Variants in SCFD1 observed in about 807,000 individuals in gnomAD.
SCFD1 encodes sec1 family domain containing 1, also known as sec1 family domain-containing protein 1.
A neutral mutation model predicts 103.2 loss-of-function variants in SCFD1; 37 were observed. That is an observed-to-expected ratio of 0.36 (90% CI 0.28 to 0.47). SCFD1 has a LOEUF of 0.47. SCFD1 is among the 20% of genes least tolerant of loss of function. The probability of loss-of-function intolerance (pLI) is 1.00; values close to 1 mark genes in which losing one functional copy is unlikely to be tolerated. For missense variants in SCFD1, 639 were observed against 761.2 expected, an observed-to-expected ratio of 0.84 and a Z score of 1.89; for synonymous variants, 264 against 245.0, an observed-to-expected ratio of 1.08 and a Z score of -0.73.
intron 7 of SCFD1, 69 bp from the exon 8 acceptor site, chr14:30,649,458 CT>C: frequency 1.1e-6 from 1 of 901,822 alleles, no homozygotes; most frequent in East Asian, 2.7e-5. Context: ...ATTTTTGATG[CT>C]GATGTATTTT....
intron 20 of SCFD1, among the ~76,000 whole-genome samples, chr14:30,717,359 CCCAGCTATTCAGGAGG>C (rs1892349377): frequency 1.3e-5 from 2 of 152,012 alleles, no homozygotes; most frequent in African/African-American, 4.8e-5. Context: ...CACCTGTAGT[CCCAGCTATTCAGGAGG>C]CTGAGGTGGG....
intron 23 of SCFD1, among the ~76,000 whole-genome samples, chr14:30,728,265 T>C (rs1428131806): frequency 2.6e-5 from 4 of 152,328 alleles, no homozygotes; most frequent in Non-Finnish European, 4.4e-5. Flanking sequence ...TTGAAAAGTG[T>C]TTCAAACATT....
In SCFD1 at chr14:30,643,238, A is replaced by C. The variant is rs555006427; in HGVS notation, c.524-78A>C. ...TTTATTATATGTCAATTAAGAATTT[A>C]GTAATAATTTTAGGAGTTTTAGAAA... On this transcript the variant is annotated intron_variant, in intron 6 of 24. Coordinates refer to ENST00000458591, the MANE Select transcript of SCFD1 (RefSeq NM_016106.4). 12 of 921,050 alleles carry C rather than the reference A, an allele frequency of 1.3e-5. No individual in the cohort carries two copies. The East Asian group carries it at 2.9e-4, about 22-fold the overall frequency. 57.1% of individuals were successfully genotyped at this position (921,050 alleles called of 1,614,324 possible).
chr14:30,673,482 G>A (rs1252326355), intron 12 of SCFD1, 135 bp downstream of exon 12: 22 of 488,688 alleles, frequency 4.5e-5, no homozygotes, highest in South Asian at 8.4e-5. Context: ...TTCAACTTGC[G>A]TAAGTGATCA....
At chr14:30,705,740 T>G in intron 17 of SCFD1, 83 bp from the exon 18 acceptor site, 1 of 1,005,336 alleles carries the variant, frequency 9.9e-7, no homozygotes, top group South Asian at 1.3e-5. Context: ...GAAGTTAGAG[T>G]TAGTCAGTAG....
intron 15 of SCFD1, among the ~76,000 whole-genome samples, chr14:30,697,376 A>G (rs207474611): frequency 1.3e-5 from 2 of 152,250 alleles, no homozygotes; most frequent in Non-Finnish European, 2.9e-5. Context: ...ATAACAGATT[A>G]TAACCCACTG....
chr14:30,635,097 T>C (rs1884587161), intron 4 of SCFD1: 1 of 385,766 alleles, frequency 2.6e-6, no homozygotes, highest in Non-Finnish European at 5.1e-6. Context: ...ATCAAATTGC[T>C]ATTTAAATTG....
intron 6 of SCFD1, among the ~76,000 whole-genome samples, chr14:30,640,407 A>G (rs1885155354): frequency 6.6e-6 from 1 of 152,198 alleles, no homozygotes; most frequent in Non-Finnish European, 1.5e-5. Flanking sequence ...ATCTATTTAC[A>G]GTTGCATTTT....
At chr14:30,733,792 C>A (rs1027605216) in intron 23 of SCFD1, among the ~76,000 whole-genome samples, 1 of 152,214 alleles carries the variant, frequency 6.6e-6, no homozygotes, top group African/African-American at 2.4e-5. Flanking sequence ...GCTGGTCATG[C>A]AGCCCAATTT....
intron 23 of SCFD1, among the ~76,000 whole-genome samples, chr14:30,732,168 C>T (rs372724862): frequency 1.7e-4 from 26 of 152,270 alleles, no homozygotes; most frequent in Admixed American, 5.9e-4. Flanking sequence ...GTTGATCTTA[C>T]GTTTCACAGC....
At chr14:30,704,920 C>T (rs1487181454) in intron 17 of SCFD1, among the ~76,000 whole-genome samples, 2 of 152,152 alleles carry the variant, frequency 1.3e-5, no homozygotes, top group Admixed American at 1.3e-4. Context: ...TATACACCAA[C>T]ATCTTAACAG....
At chr14:30,706,568 T>C (rs1211752283) in intron 18 of SCFD1, among the ~76,000 whole-genome samples, 1 of 152,232 alleles carries the variant, frequency 6.6e-6, no homozygotes, top group Admixed American at 6.5e-5. Context: ...TAATATAGAC[T>C]TGAAGCTAGG....
intron 9 of SCFD1, among the ~76,000 whole-genome samples, chr14:30,652,840 C>G (rs1247114354): frequency 6.6e-6 from 1 of 151,934 alleles, no homozygotes; most frequent in African/African-American, 2.4e-5. Context: ...GTTGCCCCGT[C>G]TCTAAAAAAA....
rs569053958 is a variant in SCFD1, at chr14:30,720,151, T to C, written c.1736+774T>C. On this transcript the variant is annotated intron_variant, in intron 21 of 24. Transcript: ENST00000458591. The stretch of plus-strand genomic sequence containing the variant: ...AAAATAATCTAGTCATTAGATTAAA[T>C]TGTTTGATAACTTGAAACGTTATTC... Among the ~76,000 whole-genome samples the C allele has an allele frequency of 7.9e-5, 12 of 152,314 alleles. No homozygotes were observed. In the East Asian group the frequency reaches 1.9e-3, roughly 25 times the overall value.
At chr14:30,693,945 A>C (rs777883330) in intron 14 of SCFD1, among the ~76,000 whole-genome samples, 40 of 152,312 alleles carry the variant, frequency 2.6e-4, no homozygotes, top group South Asian at 1.2e-3. Flanking sequence ...TTATTTGGAT[A>C]ATTTTAATCA....
At chr14:30,727,402 T>C (rs1037142629) in intron 23 of SCFD1, among the ~76,000 whole-genome samples, 1 of 152,210 alleles carries the variant, frequency 6.6e-6, no homozygotes, top group Non-Finnish European at 1.5e-5. Context: ...ATAAAACCAA[T>C]GGGAGCCAAA....
chr14:30,638,379 A>G (rs1884945664), intron 5 of SCFD1, 132 bp downstream of exon 5: 2 of 1,269,838 alleles, frequency 1.6e-6, no homozygotes, highest in Non-Finnish European at 2.1e-6. Flanking sequence ...CAATACTTTT[A>G]TAAAGAGTTC....
intron 10 of SCFD1, among the ~76,000 whole-genome samples, chr14:30,660,140 G>A (rs1887305177): frequency 6.6e-6 from 1 of 152,066 alleles, no homozygotes; most frequent in Non-Finnish European, 1.5e-5. Context: ...TCTATACATG[G>A]CATTAGTTGA....
intron 7 of SCFD1, among the ~76,000 whole-genome samples, chr14:30,644,745 G>T (rs1462501990): frequency 6.6e-6 from 1 of 151,752 alleles, no homozygotes; most frequent in East Asian, 1.9e-4. Flanking sequence ...AATTCTGTTG[G>T]ATGCATAGTT....
Sources: allele counts gnomAD v4.1 joint callset (sites outside exome capture counted in the v4.1 genomes callset), GRCh38; gene constraint gnomAD v4.1.1; transcripts MANE v1.5; gene names NCBI Gene and HGNC (gene_info 2026-07-23, HGNC 2026-07-21).